Variants in GALNT18 observed in about 807,000 individuals in gnomAD.
The protein encoded by GALNT18 is polypeptide N-acetylgalactosaminyltransferase 18.
GALNT18 carries 44 observed loss-of-function variants against 69.5 expected under a neutral mutation model. The observed-to-expected ratio is 0.63, with a 90% CI of 0.50 to 0.81. GALNT18 has a LOEUF of 0.81. GALNT18 is among the 40% of genes least tolerant of loss of function. GALNT18 has a pLI of 0.00. For synonymous variants in GALNT18, 364 were observed against 318.2 expected (o/e 1.14, Z -1.53); for missense variants, 715 against 810.0 (o/e 0.88, Z 1.42).
At position 11,605,826 on chromosome 11, in the gene GALNT18, G is replaced by C. The variant is rs1293305560; in HGVS notation, c.235+15533C>G. On this transcript the variant is annotated intron_variant, in intron 1 of 10. Coordinates refer to ENST00000227756, the MANE Select transcript of GALNT18 (RefSeq NM_198516.3). This position sits in a 1 kb window ranked among gnomAD's most constrained non-coding sequence, Gnocchi z 4.7. ...AGCTTTATTAAAATGAAGATGTCGAGGGTCCCTTGAAGGCTTCAGGCTTCT... is the reference window on the plus strand; with the variant it reads ...AGCTTTATTAAAATGAAGATGTCGACGGTCCCTTGAAGGCTTCAGGCTTCT... Among the ~76,000 whole-genome samples the C allele has an allele frequency of 6.6e-6, 1 of 152,168 alleles. No individual in the cohort carries two copies. The highest frequency in any genetic ancestry group is 1.9e-4 in the East Asian group (1 of 5,196).
In GALNT18 at chr11:11,401,611, C is replaced by T. The variant is rs1481710725; in HGVS notation, c.596-22347G>A. Among the ~76,000 whole-genome samples, 3 of 152,318 alleles carry T rather than the reference C, an allele frequency of 2.0e-5. No individual in the cohort carries two copies. In the South Asian group the frequency reaches 6.2e-4, roughly 32 times the overall value. On this transcript the variant is annotated intron_variant, in intron 3 of 10. Coordinates refer to ENST00000227756, the MANE Select transcript of GALNT18 (RefSeq NM_198516.3). ...TGGGATTCCTCTACTAGGGAATAGC[C>T]CCTTCTGTTGCTCTGATCAAACATT...
chr11:11,440,483 C>T (rs148231875), intron 2 of GALNT18, among the ~76,000 whole-genome samples: 96 of 152,286 alleles, frequency 6.3e-4, no homozygotes, highest in African/African-American at 1.9e-3. Context: ...CTGATAGATC[C>T]GCAGGGCAAG....
rs1265997084 is a variant in GALNT18, at chr11:11,606,572, G to A, written c.235+14787C>T. 1.3e-5 allele frequency among the ~76,000 whole-genome samples: 2 copies of A among 152,154 alleles called. No individual in the cohort carries two copies. The highest frequency in any genetic ancestry group is 4.8e-5 in the African/African-American group (2 of 41,428). ...AAGAAGCTCTGTTCCCAGATACGGA[G>A]GCAGCATCACTAGGAGCTGTTGGAC... is the stretch of plus-strand genomic sequence containing the variant. On this transcript the variant is annotated intron_variant, in intron 1 of 10. Transcript: ENST00000227756. The surrounding 1 kb of genome is among the most constrained non-coding windows in gnomAD (Gnocchi z 5.4).
chr11:11,392,918 G>T (rs569216572), intron 3 of GALNT18, among the ~76,000 whole-genome samples: 1 of 152,280 alleles, frequency 6.6e-6, no homozygotes, highest in East Asian at 1.9e-4. Context: ...TCCATCCCAG[G>T]GATCATGGGG....
rs61870385 is a variant in GALNT18 at position 11,583,542 on chromosome 11, G to A, written c.235+37817C>T. On this transcript the variant is annotated intron_variant, in intron 1 of 10. Transcript: ENST00000227756. This position sits in a 1 kb window ranked among gnomAD's most constrained non-coding sequence, Gnocchi z 4.7. ...TGAGTTTAATCAATAAATAAGAGTTGTAGCTACTAAATTCCTCTCCACCTG... is the reference window on the plus strand; with the variant it reads ...TGAGTTTAATCAATAAATAAGAGTTATAGCTACTAAATTCCTCTCCACCTG... Among the ~76,000 whole-genome samples, 19,761 of 152,188 alleles carry A rather than the reference G, an allele frequency of 0.13. 1,356 individuals are homozygous for A. Among genetic ancestry groups the A allele is most frequent in the Admixed American group, 0.18 (2,744 of 15,282 alleles).
Position 11,586,981 on chromosome 11 carries a change from C to T in GALNT18, c.235+34378G>A, listed in dbSNP as rs1254717821. On this transcript the variant is annotated intron_variant, in intron 1 of 10. Coordinates refer to ENST00000227756, the MANE Select transcript of GALNT18 (RefSeq NM_198516.3). This position sits in a 1 kb window ranked among gnomAD's most constrained non-coding sequence, Gnocchi z 4.1. ...CCAGCCTGGGGAACAAGAGTGAAAC[C>T]CCATCTCCAAATAAATAAATAAATA... Among the ~76,000 whole-genome samples the T allele has an allele frequency of 1.3e-5, 2 of 151,196 alleles. No individual in the cohort carries two copies. The highest frequency in any genetic ancestry group is 2.9e-5 in the Non-Finnish European group (2 of 67,982).
chr11:11,483,871 CGT>C (rs1856587327), intron 1 of GALNT18, among the ~76,000 whole-genome samples: 1 of 152,008 alleles, frequency 6.6e-6, no homozygotes, highest in East Asian at 1.9e-4. Context: ...GGCTCCTTTC[CGT>C]GTGTTTTTGG....
intron 1 of GALNT18, among the ~76,000 whole-genome samples, chr11:11,531,613 T>C (rs1857650648): frequency 6.6e-6 from 1 of 152,152 alleles, no homozygotes; most frequent in Non-Finnish European, 1.5e-5. Context: ...TTTCTTCCCC[T>C]CCTGCAGTGC....
rs144964544 is a variant in GALNT18 at position 11,422,384 on chromosome 11, C to T, written c.595+10237G>A. The stretch of plus-strand genomic sequence containing the variant: ...CTGGGTGGTGTGCACCCCAAGGTTG[C>T]CAGGTATTTGCTGCCAGTCTTGAGG... On this transcript the variant is annotated intron_variant, in intron 3 of 10. Transcript: ENST00000227756. Among the ~76,000 whole-genome samples, 133 of 152,338 alleles carry T rather than the reference C, an allele frequency of 8.7e-4. 1 individual carries two copies. In the Middle Eastern group the frequency reaches 0.014, roughly 16 times the overall value.
At chr11:11,504,278 C>G (rs1322637766) in intron 1 of GALNT18, among the ~76,000 whole-genome samples, 1 of 152,188 alleles carries the variant, frequency 6.6e-6, no homozygotes, top group South Asian at 2.1e-4. Context: ...GCACAGTGTA[C>G]AAGATCTGAG....
intron 3 of GALNT18, among the ~76,000 whole-genome samples, chr11:11,425,553 T>C (rs1320490704): frequency 6.6e-6 from 1 of 152,234 alleles, no homozygotes. Context: ...ATGTGATTTT[T>C]ATGTTTATCA....
At chr11:11,588,774 T>C (rs1565029470) in intron 1 of GALNT18, among the ~76,000 whole-genome samples, 7 of 152,222 alleles carry the variant, frequency 4.6e-5, no homozygotes. Context: ...ACTTGTGATT[T>C]GTACTTTGCC....
At chr11:11,273,476 T>C (rs1848869327) in intron 10 of GALNT18, among the ~76,000 whole-genome samples, 1 of 152,144 alleles carries the variant, frequency 6.6e-6, no homozygotes, top group Non-Finnish European at 1.5e-5. Context: ...CAGAGAAAAG[T>C]AAGCAAAAAC....
intron 1 of GALNT18, among the ~76,000 whole-genome samples, chr11:11,514,381 C>A (rs572386504): frequency 5.6e-4 from 85 of 152,276 alleles, no homozygotes; most frequent in Non-Finnish European, 9.0e-4. Flanking sequence ...TTCCTGAAGC[C>A]ACCTCCAAGG....
chr11:11,554,443 G>A (rs1250399370), intron 1 of GALNT18, among the ~76,000 whole-genome samples: 1 of 151,170 alleles, frequency 6.6e-6, no homozygotes, highest in African/African-American at 2.4e-5. Context: ...TTTCATGAAA[G>A]ACATTACCTG....
At chr11:11,326,478 T>C (rs549933177) in intron 9 of GALNT18, among the ~76,000 whole-genome samples, 135 of 152,376 alleles carry the variant, frequency 8.9e-4, no homozygotes, top group African/African-American at 3.2e-3. Flanking sequence ...GAACCATTTA[T>C]CTTGCCTGTG....
Position 11,340,201 on chromosome 11 carries a change from C to G in GALNT18, c.1278+618G>C, listed in dbSNP as rs539862960. On this transcript the variant is annotated intron_variant, in intron 7 of 10. Coordinates refer to ENST00000227756, the MANE Select transcript of GALNT18 (RefSeq NM_198516.3). The surrounding 1 kb of genome is among the most constrained non-coding windows in gnomAD (Gnocchi z 4.2). ...GGGCTAAACAAAACTACCAGAGAAG[C>G]ATTGCTTTTCCTCTGGCATTTCTTA... 6.7e-6 allele frequency among the ~76,000 whole-genome samples: 1 copy of G among 149,612 alleles called. No individual in the cohort carries two copies. The highest frequency in any genetic ancestry group is 2.5e-5 in the African/African-American group (1 of 40,396).
rs990226230 is a variant in GALNT18, at chr11:11,387,565, C to A, written c.596-8301G>T. On this transcript the variant is annotated intron_variant, in intron 3 of 10. Coordinates refer to ENST00000227756, the MANE Select transcript of GALNT18 (RefSeq NM_198516.3). This position sits in a 1 kb window ranked among gnomAD's most constrained non-coding sequence, Gnocchi z 4.6. ...TTCCAAGTGAAAAGTGGCTTGTCTT[C>A]TTCAGATCAGAAGATTAACTGGCTT... Among the ~76,000 whole-genome samples, 1 of 152,178 alleles carries A rather than the reference C, an allele frequency of 6.6e-6. No homozygotes were observed. The highest frequency in any genetic ancestry group is 1.5e-5 in the Non-Finnish European group (1 of 68,014).
chr11:11,370,749 C>T (rs1025209023), intron 6 of GALNT18, among the ~76,000 whole-genome samples: 4 of 152,174 alleles, frequency 2.6e-5, no homozygotes, highest in Non-Finnish European at 5.9e-5. Context: ...CAGAAATCTC[C>T]ACTCTGTGAC....
Sources: allele counts gnomAD v4.1 joint callset (sites outside exome capture counted in the v4.1 genomes callset), GRCh38; gene constraint gnomAD v4.1.1; non-coding constraint Gnocchi (gnomAD v3.1); transcripts MANE v1.5; gene names NCBI Gene and HGNC (gene_info 2026-07-23, HGNC 2026-07-21).